UNC13C: variants seen among roughly 807,000 people sequenced by gnomAD.
The protein encoded by UNC13C is unc-13 homolog C, also known as protein unc-13 homolog C.
UNC13C carries 174 observed loss-of-function variants against 245.4 expected under a neutral mutation model. That is an observed-to-expected ratio of 0.71 (90% CI 0.63 to 0.80). The LOEUF is 0.80. UNC13C is among the 30% of genes least tolerant of loss of function. UNC13C has a pLI of 0.00. For missense variants in UNC13C, 2,829 were observed against 2,602.9 expected, an observed-to-expected ratio of 1.09 and a Z score of -1.89; for synonymous variants, 992 against 895.1, an observed-to-expected ratio of 1.11 and a Z score of -1.93.
At chr15:54,477,950 TG>T (rs1306175481) in intron 19 of UNC13C, among the ~76,000 whole-genome samples, 20 of 146,926 alleles carry the variant, frequency 1.4e-4, no homozygotes, top group East Asian at 8.9e-4. Flanking sequence ...GGACTCTTTT[TG>T]GTTGGTAAGC....
At chr15:54,536,435 A>G (rs1447152886) in intron 26 of UNC13C, among the ~76,000 whole-genome samples, 1 of 152,090 alleles carries the variant, frequency 6.6e-6, no homozygotes, top group Non-Finnish European at 1.5e-5. Flanking sequence ...TCCTATTGAA[A>G]CTATTCCAAA....
intron 2 of UNC13C, among the ~76,000 whole-genome samples, chr15:54,085,280 G>A (rs1190622618): frequency 2.0e-5 from 3 of 152,128 alleles, no homozygotes; most frequent in Non-Finnish European, 2.9e-5. Flanking sequence ...TACATTTACC[G>A]ATTCTAGAAG....
chr15:54,420,429 C>G (rs75314939), intron 19 of UNC13C, among the ~76,000 whole-genome samples: 277 of 151,746 alleles, frequency 1.8e-3, no homozygotes, highest in African/African-American at 6.3e-3. Context: ...TCTTTATTAT[C>G]TATACTGTGA....
At chr15:54,518,609 C>A (rs867418101) in intron 24 of UNC13C, among the ~76,000 whole-genome samples, 1 of 152,208 alleles carries the variant, frequency 6.6e-6, no homozygotes, top group African/African-American at 2.4e-5. Flanking sequence ...AATTTAACTT[C>A]TTTAACCCAG....
intron 1 of UNC13C, among the ~76,000 whole-genome samples, chr15:53,991,898 A>G (rs1405647942): frequency 6.6e-6 from 1 of 152,056 alleles, no homozygotes; most frequent in Non-Finnish European, 1.5e-5. Context: ...GTTGTTCAGA[A>G]TCTCACAATG....
chr15:54,196,499 T>A (rs12593298), intron 4 of UNC13C, among the ~76,000 whole-genome samples: 28,290 of 152,172 alleles, frequency 0.19, 2,919 homozygotes, highest in East Asian at 0.24. Flanking sequence ...TGGTGTAACC[T>A]TAGTACCCAA....
intron 16 of UNC13C, among the ~76,000 whole-genome samples, chr15:54,335,640 A>G (rs2038554225): frequency 6.6e-6 from 1 of 152,164 alleles, no homozygotes; most frequent in Non-Finnish European, 1.5e-5. Context: ...AAATGAAATC[A>G]TACACGATGT....
At chr15:53,962,158 G>A in the UNC13C span, among the ~76,000 whole-genome samples, 3 of 152,004 alleles carry the variant, frequency 2.0e-5, no homozygotes, top group African/African-American at 7.2e-5. Context: ...TCAGATTCCT[G>A]ATTCCTGCTT....
intron 32 of UNC13C, among the ~76,000 whole-genome samples, chr15:54,624,646 T>TGTAAAGATCAGTTAG (rs1355366747): frequency 6.6e-6 from 1 of 152,138 alleles, no homozygotes; most frequent in African/African-American, 2.4e-5. Flanking sequence ...AGACCAAATA[T>TGTAAAGATCAGTTAG]GTAAAGATCA....
At chr15:54,534,377 C>T (rs1895896739) in intron 26 of UNC13C, among the ~76,000 whole-genome samples, 1 of 152,122 alleles carries the variant, frequency 6.6e-6, no homozygotes, top group African/African-American at 2.4e-5. Flanking sequence ...ATATATACCA[C>T]AGTCAAATCC....
the UNC13C span, among the ~76,000 whole-genome samples, chr15:53,878,820 G>C: frequency 6.6e-6 from 1 of 152,124 alleles, no homozygotes. Flanking sequence ...TACTACTACA[G>C]GTCTTTGCTC....
chr15:54,536,959 T>G (rs12910464), intron 26 of UNC13C, among the ~76,000 whole-genome samples: 50,998 of 151,852 alleles, frequency 0.34, 9,554 homozygotes, highest in East Asian at 0.53. Flanking sequence ...CTATTCAACA[T>G]AGTACTAGAA....
chr15:54,098,371 C>G (rs1334672914), intron 2 of UNC13C, among the ~76,000 whole-genome samples: 1 of 152,068 alleles, frequency 6.6e-6, no homozygotes, highest in East Asian at 1.9e-4. Context: ...GACGAGGTTT[C>G]ACCATGTTGG....
chr15:54,227,266 G>C (rs989622682), intron 4 of UNC13C, among the ~76,000 whole-genome samples: 1 of 152,072 alleles, frequency 6.6e-6, no homozygotes, highest in Non-Finnish European at 1.5e-5. Flanking sequence ...GGCCACGGGC[G>C]GGCCTGGAAA....
At position 54,237,620 on chromosome 15, in the gene UNC13C, C is replaced by G; in HGVS notation, c.3158C>G (p.Thr1053Ser). 2 of 1,611,090 alleles carry G rather than the reference C, an allele frequency of 1.2e-6. No individual in the cohort carries two copies. The highest frequency in any genetic ancestry group is 1.7e-6 in the Non-Finnish European group (2 of 1,178,698). Residue 1053 changes from threonine (T) to serine (S), a missense_variant and splice_region_variant, in exon 7 of 33, where the codon ACC (threonine) becomes AGC (serine). Physicochemically the swap from Thr to Ser is moderately conservative, Grantham distance 58. Coordinates refer to ENST00000260323, the MANE Select transcript of UNC13C (RefSeq NM_001080534.3). ...TLPIVRDVAMTLAARKSGLSL... is the reference protein window; with the variant it reads ...TLPIVRDVAMSLAARKSGLSL... Reference sequence around the variant, plus strand: ...AAGTCATAATTCTGTTTGTTTTAGACCCTGGCTGCCCGGAAATCTGGACTC... The same window carrying G: ...AAGTCATAATTCTGTTTGTTTTAGAGCCTGGCTGCCCGGAAATCTGGACTC...
chr15:54,084,120 CG>C, intron 2 of UNC13C, among the ~76,000 whole-genome samples: 1 of 152,304 alleles, frequency 6.6e-6, no homozygotes, highest in African/African-American at 2.4e-5. Context: ...GCTCTGGGGT[CG>C]GTCTCAGCCA....
intron 17 of UNC13C, among the ~76,000 whole-genome samples, chr15:54,371,179 C>A (rs2039478427): frequency 6.6e-6 from 1 of 152,148 alleles, no homozygotes; most frequent in African/African-American, 2.4e-5. Context: ...CACCCAAACT[C>A]CTACCCCTGC....
chr15:54,120,384 A>C (rs970278003), intron 2 of UNC13C, among the ~76,000 whole-genome samples: 1 of 152,124 alleles, frequency 6.6e-6, no homozygotes, highest in African/African-American at 2.4e-5. Context: ...TTTATTTGCA[A>C]CGTGGTTTAC....
At chr15:54,152,226 T>G (rs2032551172) in intron 4 of UNC13C, among the ~76,000 whole-genome samples, 1 of 152,180 alleles carries the variant, frequency 6.6e-6, no homozygotes, top group Admixed American at 6.5e-5. Flanking sequence ...CCAGTGCTGG[T>G]ACTCACTTCT....
Sources: allele counts gnomAD v4.1 joint callset (sites outside exome capture counted in the v4.1 genomes callset), GRCh38; gene constraint gnomAD v4.1.1; transcripts MANE v1.5; gene names NCBI Gene and HGNC (gene_info 2026-07-23, HGNC 2026-07-21).